SGPL1: variants seen among roughly 807,000 people sequenced by gnomAD.
The protein encoded by SGPL1 is sphingosine-1-phosphate lyase 1.
In SGPL1, 37 loss-of-function variants were observed where a neutral mutation model predicts 68.9. The ratio of observed to expected loss-of-function variants is 0.54; its 90% CI spans 0.41 to 0.71. The LOEUF (loss-of-function observed/expected upper bound fraction) is 0.71. SGPL1 is among the 30% of genes least tolerant of loss of function. The pLI, the probability that SGPL1 is intolerant of heterozygous loss-of-function variation, is 0.00. For synonymous variants in SGPL1, 236 were observed against 248.5 expected (o/e 0.95, Z 0.47); for missense variants, 551 against 704.6 (o/e 0.78, Z 2.47).
intron 3 of SGPL1, among the ~76,000 whole-genome samples, chr10:70,850,754 T>G (rs1845865608): frequency 6.6e-6 from 1 of 151,900 alleles, no homozygotes; most frequent in Non-Finnish European, 1.5e-5. Context: ...TACTCCTAAG[T>G]GGAAAAACAA....
intron 2 of SGPL1, among the ~76,000 whole-genome samples, chr10:70,835,470 G>C (rs1032979227): frequency 1.3e-5 from 2 of 152,132 alleles, no homozygotes; most frequent in African/African-American, 4.8e-5. Flanking sequence ...GGGTGCGGTG[G>C]CTCATGCCTG....
At chr10:70,859,280 C>A in intron 6 of SGPL1, 91 bp from the exon 7 acceptor site, 1 of 970,504 alleles carries the variant, frequency 1.0e-6, no homozygotes, top group Non-Finnish European at 1.3e-6. Flanking sequence ...ATTGTTGTGC[C>A]TAATACTTAG....
intron 3 of SGPL1, among the ~76,000 whole-genome samples, chr10:70,845,464 CAG>C (rs1845777056): frequency 6.6e-6 from 1 of 152,072 alleles, no homozygotes; most frequent in African/African-American, 2.4e-5. Context: ...GAACTGGTAT[CAG>C]GGGATCGTAT....
intron 3 of SGPL1, among the ~76,000 whole-genome samples, chr10:70,849,279 C>T (rs1845838876): frequency 6.6e-6 from 1 of 152,166 alleles, no homozygotes; most frequent in African/African-American, 2.4e-5. Context: ...TAACAAGAAG[C>T]TAAAATATCC....
At position 70,873,419 on chromosome 10, in the gene SGPL1, C is replaced by T; in HGVS notation, c.1128C>T (p.Phe376=). The T allele has an allele frequency of 6.2e-7, 1 of 1,614,270 alleles. No individual in the cohort carries two copies. Among genetic ancestry groups the T allele is most frequent in the Non-Finnish European group, 8.5e-7 (1 of 1,180,046 alleles). Residue 376 remains phenylalanine (F), a synonymous_variant, in exon 12 of 15, where the codon TTC becomes TTT. Coordinates refer to ENST00000373202, the MANE Select transcript of SGPL1 (RefSeq NM_003901.4). The part of the protein sequence containing the change: ...YSDKKYRNYQ[F]FVDTDWQGGI... The stretch of plus-strand genomic sequence containing the variant: ...ACAAGAAGTACAGGAACTATCAGTT[C>T]TTCGTCGATACAGATTGGCAGGGTG...
chr10:70,827,496 C>T (rs1292666715), intron 2 of SGPL1, among the ~76,000 whole-genome samples: 1 of 152,152 alleles, frequency 6.6e-6, no homozygotes, highest in East Asian at 1.9e-4. Context: ...AATATAGCTA[C>T]ATCAGCTTTT....
chr10:70,871,886 G>A lies in SGPL1; in HGVS notation c.959G>A (p.Gly320Asp). 6.2e-7 allele frequency: 1 copy of A among 1,614,050 alleles called. No individual in the cohort carries two copies. Among genetic ancestry groups the A allele is most frequent in the Non-Finnish European group, 8.5e-7 (1 of 1,180,016 alleles). ...IPLHVDACLG[G>D]FLIVFMEKAG... ...CTTCATGTCGACGCTTGTCTGGGAGGCTTCCTCATCGTCTTTATGGAGAAA... is the reference window on the plus strand; with the variant it reads ...CTTCATGTCGACGCTTGTCTGGGAGACTTCCTCATCGTCTTTATGGAGAAA... Residue 320 changes from glycine to aspartate, a missense_variant, in exon 11 of 15, where the codon GGC becomes GAC. By Grantham distance (94) the Gly-to-Asp change is moderately conservative. Transcript: ENST00000373202.
chr10:70,874,203 A>G (rs1173181227), intron 12 of SGPL1, among the ~76,000 whole-genome samples: 1 of 152,192 alleles, frequency 6.6e-6, no homozygotes, highest in African/African-American at 2.4e-5. Flanking sequence ...TTATCTGCCC[A>G]TCTCTCTATG....
intron 12 of SGPL1, among the ~76,000 whole-genome samples, chr10:70,875,145 G>A (rs1250451354): frequency 6.6e-6 from 1 of 152,194 alleles, no homozygotes; most frequent in Non-Finnish European, 1.5e-5. Flanking sequence ...TTCGAAGTCA[G>A]TGATTGAGTC....
At chr10:70,875,872 C>T (rs1458595052) in intron 13 of SGPL1, among the ~76,000 whole-genome samples, 1 of 152,168 alleles carries the variant, frequency 6.6e-6, no homozygotes, top group Non-Finnish European at 1.5e-5. Flanking sequence ...TACTTGTTAC[C>T]TGGCTAATAT....
chr10:70,840,562 C>T (rs1346105857), intron 2 of SGPL1, among the ~76,000 whole-genome samples: 2 of 151,982 alleles, frequency 1.3e-5, no homozygotes, highest in African/African-American at 4.8e-5. Flanking sequence ...CTAGGAGGAC[C>T]TTAGAATGAT....
rs576974399 is a variant in SGPL1, at chr10:70,830,938, G to C, written c.28-13535G>C. ...GATGTTATAACTGGTTCAAAGGAGA[G>C]GTCCAAAAAGCTGCTCATTTATGGA... On this transcript the variant is annotated intron_variant, in intron 2 of 14. Coordinates refer to ENST00000373202, the MANE Select transcript of SGPL1 (RefSeq NM_003901.4). Among the ~76,000 whole-genome samples, 4 of 152,226 alleles carry C rather than the reference G, an allele frequency of 2.6e-5. No individual in the cohort carries two copies. In the South Asian group the frequency reaches 8.3e-4, roughly 32 times the overall value.
chr10:70,854,942 C>G, intron 5 of SGPL1, 87 bp downstream of exon 5: 1 of 1,181,352 alleles, frequency 8.5e-7, no homozygotes, highest in Admixed American at 2.7e-5. Context: ...TTAAGAATAA[C>G]TCATCATTGG....
chr10:70,838,401 T>C (rs769059530), intron 2 of SGPL1, among the ~76,000 whole-genome samples: 15 of 152,358 alleles, frequency 9.8e-5, no homozygotes, highest in Non-Finnish European at 2.1e-4. Flanking sequence ...TGGAATCTTT[T>C]GCTCTCTTGA....
At chr10:70,817,495 C>T (rs1845255632) in intron 2 of SGPL1, among the ~76,000 whole-genome samples, 1 of 152,160 alleles carries the variant, frequency 6.6e-6, no homozygotes, top group Non-Finnish European at 1.5e-5. Flanking sequence ...TGGCTATTTA[C>T]AGGCATAATC....
At chr10:70,866,833 T>C (rs976489566) in intron 7 of SGPL1, 2 of 152,204 alleles carry the variant, frequency 1.3e-5, no homozygotes, top group Non-Finnish European at 2.9e-5. Context: ...AAAAATGACT[T>C]TTCTCAGTTC....
At chr10:70,861,761 C>T (rs749162176) in intron 7 of SGPL1, among the ~76,000 whole-genome samples, 377 of 152,290 alleles carry the variant, frequency 2.5e-3, no homozygotes, top group Non-Finnish European at 3.9e-3. Context: ...CTGCCGGCCC[C>T]GGGCAATGAG....
At chr10:70,838,208 G>C (rs1338842002) in intron 2 of SGPL1, among the ~76,000 whole-genome samples, 1 of 152,188 alleles carries the variant, frequency 6.6e-6, no homozygotes, top group African/African-American at 2.4e-5. Context: ...TTGCCAGATG[G>C]CTTTTCTCTT....
At chr10:70,870,219 C>T (rs756254652) in intron 9 of SGPL1, among the ~76,000 whole-genome samples, 2 of 152,024 alleles carry the variant, frequency 1.3e-5, no homozygotes, top group South Asian at 2.1e-4. Context: ...TACCATGGCC[C>T]GGGCATGGTG....
Sources: gnomAD v4.1 joint callset for allele counts (sites outside exome capture counted in the v4.1 genomes callset) on GRCh38, gnomAD v4.1.1 for gene constraint, MANE v1.5 for transcripts, NCBI Gene and HGNC (gene_info 2026-07-23, HGNC 2026-07-21) for gene names.